Variants in CAD observed in about 807,000 individuals in gnomAD.
CAD encodes multifunctional protein CAD.
In CAD, 81 loss-of-function variants were observed where a neutral mutation model predicts 237.2. The ratio of observed to expected loss-of-function variants is 0.34; its 90% CI spans 0.29 to 0.41. The LOEUF (loss-of-function observed/expected upper bound fraction) is 0.41, where lower values mean the gene tolerates loss of function less well. Among genes scored for constraint, CAD ranks in the 10% least tolerant of loss-of-function variants. The pLI is 1.00. For missense variants in CAD, 2,181 were observed against 2,951.7 expected (o/e 0.74, Z 6.05); for synonymous variants, 1,196 against 1,162.8 (o/e 1.03, Z -0.58).
chr2:27,226,231 T>TGAGGCAGACAGCTATC lies in CAD; in HGVS notation c.1944_1959dup (p.Lys654GlufsTer26). On this transcript the variant is annotated frameshift_variant, in exon 13 of 44. Coordinates refer to ENST00000264705, the MANE Select transcript of CAD (RefSeq NM_004341.5). LOFTEE classifies it high-confidence loss of function. ...CTGAATGACAGGGAGTATCAGCTCC[T>TGAGGCAGACAGCTATC]GAGGCAGACAGCTATCAAGGTGACC... 1 of 1,614,148 alleles carries TGAGGCAGACAGCTATC rather than the reference T, an allele frequency of 6.2e-7. No homozygotes were observed. The highest frequency in any genetic ancestry group is 8.5e-7 in the Non-Finnish European group (1 of 1,179,954).
chr2:27,222,795 TG>T (rs1173068077), intron 5 of CAD, 70 bp from the exon 6 acceptor site: 15 of 1,580,410 alleles, frequency 9.5e-6, no homozygotes, highest in African/African-American at 1.3e-5. Context: ...TCTCATGGGC[TG>T]GGGGGGCTGC....
rs201801404 is a variant in CAD, at chr2:27,241,411, C to T, written c.5883+15C>T. ...ACATCCTGAAGGTCAGGATCAGGGC[C>T]GGGGGTAGGGTCCAGGCCATCGCCT... On this transcript the variant is annotated intron_variant, in intron 38 of 43. Coordinates refer to ENST00000264705, the MANE Select transcript of CAD (RefSeq NM_004341.5). This position sits in a 1 kb window ranked among gnomAD's most constrained non-coding sequence, Gnocchi z 4.6. The T allele has an allele frequency of 1.5e-4, 238 of 1,613,612 alleles. 4 individuals are homozygous for T. In the Admixed American group the frequency reaches 3.5e-3, roughly 23 times the overall value.
chr2:27,223,430 C>CAA (rs71834349), intron 6 of CAD, 133 bp from the exon 7 acceptor site: 4,655 of 616,748 alleles, frequency 7.5e-3, no homozygotes, highest in South Asian at 0.01. Flanking sequence ...GACTCCGTCT[C>CAA]AAAAAAAAAA....
At chr2:27,229,107 CG>C (rs1254120773) in intron 15 of CAD, among the ~76,000 whole-genome samples, 8 of 150,794 alleles carry the variant, frequency 5.3e-5, no homozygotes, top group African/African-American at 2.0e-4. Context: ...TTAGTAGAGA[CG>C]GGGGTTTCAT....
intron 2 of CAD, among the ~76,000 whole-genome samples, chr2:27,219,771 T>G (rs1385162387): frequency 6.6e-6 from 1 of 152,090 alleles, no homozygotes; most frequent in East Asian, 1.9e-4. Flanking sequence ...GTATTTTTAG[T>G]AGAGACAGGG....
In CAD at chr2:27,235,245, G is replaced by A; in HGVS notation, c.3787G>A (p.Val1263Met). 6.2e-7 allele frequency: 1 copy of A among 1,603,376 alleles called. No homozygotes were observed. The highest frequency in any genetic ancestry group is 8.5e-7 in the Non-Finnish European group (1 of 1,174,402). ...MTGSGVVGVK[V>M]PQFSFSRLAG... Reference sequence around the variant, plus strand: ...TCTCTCTTCCCTCCCGCCCCTTTAGGTGCCTCAGTTCTCCTTCTCCCGCTT... The same window carrying A: ...TCTCTCTTCCCTCCCGCCCCTTTAGATGCCTCAGTTCTCCTTCTCCCGCTT... The change falls in exon 24 of 44, where the codon GTG becomes ATG. Residue 1263 changes from valine to methionine, a missense_variant and splice_region_variant. Around this residue, in one of 12 missense-constraint regions of CAD, gnomAD observed 306 missense variants for 607.9 expected, o/e 0.50. Transcript: ENST00000264705. This position sits in a 1 kb window ranked among gnomAD's most constrained non-coding sequence, Gnocchi z 5.2.
In CAD at chr2:27,217,438, C is replaced by G; in HGVS notation, c.-114C>G. On this transcript the variant is annotated 5_prime_UTR_variant, in exon 1 of 44. Coordinates refer to ENST00000264705, the MANE Select transcript of CAD (RefSeq NM_004341.5). ...CCGCGCCCGGCTTCTCTCCAGCGCCCCGCGCCGTTAGCCACGTGGACCGAC... is the reference window on the plus strand; with the variant it reads ...CCGCGCCCGGCTTCTCTCCAGCGCCGCGCGCCGTTAGCCACGTGGACCGAC... The G allele has an allele frequency of 1.1e-6, 1 of 925,802 alleles. No individual in the cohort carries two copies. 57.3% of individuals were successfully genotyped at this position (925,802 alleles called of 1,614,324 possible).
In CAD at chr2:27,232,834, C is replaced by A; in HGVS notation, c.2892+140C>A. ...GCTTTGGGGTGGGGGTCCTTTTAGG[C>A]CATCTCTCATGCCCCACACGGTATA... On this transcript the variant is annotated intron_variant, in intron 18 of 43. Coordinates refer to ENST00000264705, the MANE Select transcript of CAD (RefSeq NM_004341.5). The surrounding 1 kb of genome is among the most constrained non-coding windows in gnomAD (Gnocchi z 4.1). 9.5e-7 allele frequency: 1 copy of A among 1,057,150 alleles called. No individual in the cohort carries two copies. The highest frequency in any genetic ancestry group is 1.4e-6 in the Non-Finnish European group (1 of 708,332). The allele number at this position is 1,057,150 out of a possible 1,614,324, so 65.5% of individuals were successfully genotyped here. A position where few individuals can be genotyped will look rare whatever the true frequency, so the allele number is the denominator to read the frequency against.
In CAD at chr2:27,243,497, C is replaced by T; in HGVS notation, c.6657C>T (p.Ala2219=). The change falls in exon 44 of 44, where the codon GCC becomes GCT. Residue 2219 remains alanine (A), a synonymous_variant. Transcript: ENST00000264705. The part of the protein sequence containing the change: ...NGMYIRMALL[A]TVLGRF ...TGTACATCCGCATGGCTCTGTTAGC[C>T]ACCGTGCTGGGCCGTTTCTAGGGCC... 1.2e-6 allele frequency: 2 copies of T among 1,601,626 alleles called. No individual in the cohort carries two copies. The highest frequency in any genetic ancestry group is 1.7e-6 in the Non-Finnish European group (2 of 1,174,856).
Position 27,239,628 on chromosome 2 carries a change from C to A in CAD, c.5395-69C>A. 6.7e-7 allele frequency: 1 copy of A among 1,487,734 alleles called. No individual in the cohort carries two copies. Among genetic ancestry groups the A allele is most frequent in the Non-Finnish European group, 9.2e-7 (1 of 1,086,670 alleles). 92.2% of individuals were successfully genotyped at this position (1,487,734 alleles called of 1,614,324 possible). On this transcript the variant is annotated intron_variant, in intron 33 of 43. Coordinates refer to ENST00000264705, the MANE Select transcript of CAD (RefSeq NM_004341.5). This position sits in a 1 kb window ranked among gnomAD's most constrained non-coding sequence, Gnocchi z 4.0. ...TCCCCCAAGGTGCTTTTTGTCCTTGCTGACATCTACCCCTTTAGGACCTGA... is the reference window on the plus strand; with the variant it reads ...TCCCCCAAGGTGCTTTTTGTCCTTGATGACATCTACCCCTTTAGGACCTGA...
rs780986053 is a variant in CAD, at chr2:27,235,564, G to A, written c.3998G>A (p.Arg1333Gln). 5.0e-6 allele frequency: 8 copies of A among 1,614,012 alleles called. No individual in the cohort carries two copies. Among genetic ancestry groups the A allele is most frequent in the South Asian group, 1.1e-5 (1 of 91,088 alleles). ...AAAAGCGAGCTGCTCCCAACTGTGCGGCTACTGGAGAGCCTGGGCTACAGC... is the reference window on the plus strand; with the variant it reads ...AAAAGCGAGCTGCTCCCAACTGTGCAGCTACTGGAGAGCCTGGGCTACAGC... ...KNKSELLPTV[R>Q]LLESLGYSLY... The change falls in exon 25 of 44, where the codon CGG (arginine) becomes CAG (glutamine). Residue 1333 changes from arginine (R) to glutamine (Q), a missense_variant. Transcript: ENST00000264705. The surrounding 1 kb of genome is among the most constrained non-coding windows in gnomAD (Gnocchi z 5.2).
Position 27,236,331 on chromosome 2 carries a change from C to T in CAD, c.4122C>T (p.Cys1374=), listed in dbSNP as rs151054188. 11 of 1,614,140 alleles carry T rather than the reference C, an allele frequency of 6.8e-6. No individual in the cohort carries two copies. In the South Asian group the frequency reaches 7.7e-5, roughly 11 times the overall value. Residue 1374 remains cysteine (C), a synonymous_variant, in exon 26 of 44, where the codon TGC becomes TGT. Transcript: ENST00000264705. This position sits in a 1 kb window ranked among gnomAD's most constrained non-coding sequence, Gnocchi z 4.1. The part of the protein sequence containing the change: ...WHFEEAVDGE[C]PPQRSILEQL... Reference sequence around the variant, plus strand: ...TTGAGGAGGCTGTGGATGGTGAGTGCCCACCACAGCGGAGCATCCTGGAGC... The same window carrying T: ...TTGAGGAGGCTGTGGATGGTGAGTGTCCACCACAGCGGAGCATCCTGGAGC...
chr2:27,219,091 A>G (rs1020787008), intron 2 of CAD, among the ~76,000 whole-genome samples: 1 of 152,214 alleles, frequency 6.6e-6, no homozygotes, highest in Admixed American at 6.5e-5. Context: ...AAACTACAAA[A>G]TTGAGGCCTG....
rs762348297 is a variant in CAD at position 27,221,366 on chromosome 2, G to C, written c.352+19G>C. On this transcript the variant is annotated intron_variant, in intron 3 of 43. Transcript: ENST00000264705. ...TTGCAAGGTATGGTGGCAAGCAGGGGCATATTTGGGCAGAGCACAGCATGC... is the reference window on the plus strand; with the variant it reads ...TTGCAAGGTATGGTGGCAAGCAGGGCCATATTTGGGCAGAGCACAGCATGC... The C allele has an allele frequency of 3.9e-6, 6 of 1,534,556 alleles. No homozygotes were observed. The Admixed American group carries it at 1.1e-4, about 29-fold the overall frequency.
Position 27,231,571 on chromosome 2 carries a change from C to T in CAD, c.2391C>T (p.Val797=). 1 of 1,606,476 alleles carries T rather than the reference C, an allele frequency of 6.2e-7. No individual in the cohort carries two copies. Among genetic ancestry groups the T allele is most frequent in the Non-Finnish European group, 8.5e-7 (1 of 1,173,188 alleles). ...GCTTTGATCACACAGTGAAACCAGT[C>T]AGCGATATGGTAAGTAGCTCCCCTC... ...CVGFDHTVKP[V]SDMELETPTD... Residue 797 remains valine (V), a synonymous_variant, in exon 16 of 44, where the codon GTC becomes GTT. Coordinates refer to ENST00000264705, the MANE Select transcript of CAD (RefSeq NM_004341.5).
At position 27,241,241 on chromosome 2, in the gene CAD, G is replaced by A; in HGVS notation, c.5808+14G>A. On this transcript the variant is annotated intron_variant, in intron 37 of 43. Transcript: ENST00000264705. The surrounding 1 kb of genome is among the most constrained non-coding windows in gnomAD (Gnocchi z 4.6). Reference sequence around the variant, plus strand: ...ACCAAGGATCAGGTGCCTGGGGCAGGGAGGATGGGACCACCCAGAGCTTTG... The same window carrying A: ...ACCAAGGATCAGGTGCCTGGGGCAGAGAGGATGGGACCACCCAGAGCTTTG... The A allele has an allele frequency of 6.2e-7, 1 of 1,612,564 alleles. No homozygotes were observed. Among genetic ancestry groups the A allele is most frequent in the Non-Finnish European group, 8.5e-7 (1 of 1,179,206 alleles).
chr2:27,236,886 C>A lies in CAD; in HGVS notation c.4396+56C>A, dbSNP rs1010159336. On this transcript the variant is annotated intron_variant, in intron 27 of 43. Coordinates refer to ENST00000264705, the MANE Select transcript of CAD (RefSeq NM_004341.5). The surrounding 1 kb of genome is among the most constrained non-coding windows in gnomAD (Gnocchi z 4.1). ...ACACTGGCAGCCCCTGGCATAGAGA[C>A]CTGCAGTGTGGTGAAGGATGGCTGG... The A allele has an allele frequency of 1.4e-6, 2 of 1,444,220 alleles. No homozygotes were observed. The highest frequency in any genetic ancestry group is 2.0e-6 in the Non-Finnish European group (2 of 1,024,990). 89.5% of individuals were successfully genotyped at this position (1,444,220 alleles called of 1,614,324 possible). A position where few individuals can be genotyped will look rare whatever the true frequency, so the allele number is the denominator to read the frequency against.
At chr2:27,219,234 C>T (rs2148053643) in intron 2 of CAD, among the ~76,000 whole-genome samples, 1 of 152,362 alleles carries the variant, frequency 6.6e-6, no homozygotes, top group East Asian at 1.9e-4. Context: ...GTTCCTTAAA[C>T]TGTTCATCAC....
rs1470386652 is a variant in CAD, at chr2:27,237,205, G to A, written c.4397-174G>A. On this transcript the variant is annotated intron_variant, in intron 27 of 43. Transcript: ENST00000264705. The surrounding 1 kb of genome is among the most constrained non-coding windows in gnomAD (Gnocchi z 4.0). ...CACCAGGCTAATTTTTGTGTTTTTA[G>A]TAGAGACGGGGTTTCACCATGTTGG... Among the ~76,000 whole-genome samples, 2 of 151,874 alleles carry A rather than the reference G, an allele frequency of 1.3e-5. No homozygotes were observed. Among genetic ancestry groups the A allele is most frequent in the Non-Finnish European group, 2.9e-5 (2 of 67,962 alleles).
Sources: gnomAD v4.1 joint callset for allele counts (sites outside exome capture counted in the v4.1 genomes callset) on GRCh38, gnomAD v4.1.1 for gene constraint, gnomAD v4.1.1 regional missense constraint, Gnocchi (gnomAD v3.1) non-coding constraint, MANE v1.5 for transcripts, NCBI Gene and HGNC (gene_info 2026-07-23, HGNC 2026-07-21) for gene names.